The following GALNT13 variants were observed in gnomAD, a reference collection of about 807,000 sequenced individuals.
The protein encoded by GALNT13 is UDP-GalNAc:polypeptide N-acetylgalactosaminyltransferase 13.
Under a neutral mutation model 64.2 loss-of-function variants are expected in GALNT13, and 28 were observed. The observed-to-expected ratio is 0.44, with a 90% CI of 0.32 to 0.60. GALNT13 has a LOEUF of 0.60. Ranked by LOEUF, GALNT13 falls within the 20% of genes least tolerant of loss-of-function variation. The pLI, the probability that GALNT13 is intolerant of heterozygous loss-of-function variation, is 0.05. For synonymous variants in GALNT13, 214 were observed against 224.6 expected (o/e 0.95, Z 0.42); for missense variants, 577 against 669.8 (o/e 0.86, Z 1.53).
the GALNT13 span, among the ~76,000 whole-genome samples, chr2:153,077,302 T>G: frequency 1.3e-5 from 2 of 152,136 alleles, no homozygotes; most frequent in Non-Finnish European, 2.9e-5. Flanking sequence ...AATGGTATTT[T>G]TATTGGAATT....
the GALNT13 span, among the ~76,000 whole-genome samples, chr2:153,152,861 A>G: frequency 3.9e-5 from 6 of 152,188 alleles, no homozygotes; most frequent in Admixed American, 3.3e-4. Context: ...TAGAGCTGCA[A>G]TGAACATACA....
At chr2:153,538,862 G>A in the GALNT13 span, among the ~76,000 whole-genome samples, 1 of 38,776 alleles carries the variant, frequency 2.6e-5, no homozygotes, top group Non-Finnish European at 4.5e-5. Flanking sequence ...ACGTGTGCAT[G>A]TGTCTTTATA....
At chr2:154,390,451 C>T (rs1030454468) in intron 9 of GALNT13, among the ~76,000 whole-genome samples, 6 of 152,188 alleles carry the variant, frequency 3.9e-5, no homozygotes, top group East Asian at 1.9e-4. Context: ...CATGAGTTAA[C>T]TCCCACTTAT....
At chr2:153,852,037 A>G in the GALNT13 span, among the ~76,000 whole-genome samples, 1 of 152,318 alleles carries the variant, frequency 6.6e-6, no homozygotes, top group Admixed American at 6.5e-5. Context: ...TGCCAAAATA[A>G]CAGAGCGTTG....
At chr2:153,222,470 G>C in the GALNT13 span, among the ~76,000 whole-genome samples, 7 of 152,126 alleles carry the variant, frequency 4.6e-5, no homozygotes, top group African/African-American at 1.7e-4. Context: ...GGAGCTGACA[G>C]CCCAGCCCCC....
chr2:154,328,088 G>C (rs114796768), intron 9 of GALNT13, among the ~76,000 whole-genome samples: 15 of 151,882 alleles, frequency 9.9e-5, no homozygotes, highest in Non-Finnish European at 1.6e-4. Context: ...AGAATTACAC[G>C]AAAATGAATA....
chr2:153,958,956 C>A (rs1029412908), intron 3 of GALNT13, among the ~76,000 whole-genome samples: 1 of 152,190 alleles, frequency 6.6e-6, no homozygotes. Flanking sequence ...AGTGGCTGTC[C>A]ATCAGGCCAG....
chr2:154,120,351 G>T (rs1338302715), intron 3 of GALNT13, among the ~76,000 whole-genome samples: 1 of 152,212 alleles, frequency 6.6e-6, no homozygotes, highest in Non-Finnish European at 1.5e-5. Context: ...CTGCAGTTGG[G>T]CAGGGCTGCA....
chr2:153,403,853 G>A, the GALNT13 span, among the ~76,000 whole-genome samples: 3 of 152,156 alleles, frequency 2.0e-5, no homozygotes, highest in East Asian at 3.9e-4. Context: ...AGATGAACCC[G>A]GTACCTCAGA....
chr2:153,122,883 T>C, the GALNT13 span, among the ~76,000 whole-genome samples: 3 of 151,896 alleles, frequency 2.0e-5, no homozygotes, highest in African/African-American at 7.3e-5. Flanking sequence ...TGGAAATAGG[T>C]TCATTGCAGA....
the GALNT13 span, among the ~76,000 whole-genome samples, chr2:153,098,061 G>A: frequency 3.9e-5 from 6 of 152,182 alleles, no homozygotes; most frequent in Admixed American, 2.0e-4. Context: ...GTGAGACTCC[G>A]TCTCAAATCA....
the GALNT13 span, among the ~76,000 whole-genome samples, chr2:153,583,599 A>G: frequency 3.9e-4 from 59 of 152,274 alleles, 1 homozygote; most frequent in African/African-American, 1.4e-3. Flanking sequence ...GAATCATGCA[A>G]TCTGGGCCAC....
At chr2:153,582,096 ACTT>A in the GALNT13 span, among the ~76,000 whole-genome samples, 7 of 152,144 alleles carry the variant, frequency 4.6e-5, no homozygotes, top group African/African-American at 1.7e-4. Context: ...TTTGGTAAGA[ACTT>A]CTTGAATATC....
intron 1 of GALNT13, among the ~76,000 whole-genome samples, chr2:153,885,392 A>G (rs2105252330): frequency 6.6e-6 from 1 of 152,198 alleles, no homozygotes; most frequent in Admixed American, 6.5e-5. Flanking sequence ...GTGTGTAACC[A>G]GATCCTAAAT....
chr2:153,875,847 T>G (rs1312268961), intron 1 of GALNT13, among the ~76,000 whole-genome samples: 4 of 152,188 alleles, frequency 2.6e-5, no homozygotes, highest in Non-Finnish European at 5.9e-5. Flanking sequence ...GTTATGACCT[T>G]TAACTAATTT....
intron 9 of GALNT13, among the ~76,000 whole-genome samples, chr2:154,375,545 C>T (rs767118470): frequency 2.0e-5 from 3 of 152,014 alleles, no homozygotes; most frequent in African/African-American, 7.2e-5. Context: ...GGAAATTTAT[C>T]ACTGAAAAAG....
At chr2:154,115,439 G>C (rs530865481) in intron 3 of GALNT13, among the ~76,000 whole-genome samples, 1 of 149,934 alleles carries the variant, frequency 6.7e-6, no homozygotes, top group Admixed American at 6.6e-5. Context: ...ATTTTTTTTT[G>C]AGATAGAGTC....
the GALNT13 span, among the ~76,000 whole-genome samples, chr2:153,471,309 G>T: frequency 6.6e-6 from 1 of 152,024 alleles, no homozygotes; most frequent in African/African-American, 2.4e-5. Flanking sequence ...GACTATAATA[G>T]ATACTAAATA....
the GALNT13 span, among the ~76,000 whole-genome samples, chr2:153,513,664 A>G: frequency 6.6e-6 from 1 of 152,210 alleles, no homozygotes; most frequent in Middle Eastern, 3.4e-3. Context: ...TCCCATACCT[A>G]GGGCTTTTCC....
Sources: gnomAD v4.1 joint callset for allele counts (sites outside exome capture counted in the v4.1 genomes callset) on GRCh38, gnomAD v4.1.1 for gene constraint, MANE v1.5 for transcripts, NCBI Gene and HGNC (gene_info 2026-07-23, HGNC 2026-07-21) for gene names.